PDE4D: variants seen among roughly 807,000 people sequenced by gnomAD.
PDE4D encodes 3',5'-cyclic-AMP phosphodiesterase 4D.
Under a neutral mutation model 87.4 loss-of-function variants are expected in PDE4D, and 24 were observed. The observed-to-expected ratio is 0.27, with a 90% CI of 0.20 to 0.39. PDE4D has a LOEUF of 0.39. PDE4D is among the 10% of genes least tolerant of loss of function. The pLI is 1.00. For synonymous variants in PDE4D, 384 were observed against 383.2 expected (o/e 1.00, Z -0.02); for missense variants, 714 against 1,041.0 (o/e 0.69, Z 4.32).
chr5:59,265,457 A>T (rs1465785635), intron 1 of PDE4D, among the ~76,000 whole-genome samples: 1 of 152,070 alleles, frequency 6.6e-6, no homozygotes, highest in Non-Finnish European at 1.5e-5. Context: ...GTGTTAAAAA[A>T]GACTACCTTA....
At chr5:59,266,457 T>C (rs1334211271) in intron 1 of PDE4D, among the ~76,000 whole-genome samples, 1 of 151,928 alleles carries the variant, frequency 6.6e-6, no homozygotes, top group Non-Finnish European at 1.5e-5. Context: ...GTCTCTTTTA[T>C]TTCAAAGGTT....
At chr5:60,203,169 T>A (rs1448373164) in intron 1 of PDE4D, among the ~76,000 whole-genome samples, 2 of 152,122 alleles carry the variant, frequency 1.3e-5, no homozygotes, top group Admixed American at 1.3e-4. Flanking sequence ...ACGGGTTTCA[T>A]CATGTTGGCC....
intron 1 of PDE4D, among the ~76,000 whole-genome samples, chr5:60,468,143 T>TTTTTTG (rs1280982836): frequency 6.7e-6 from 1 of 149,784 alleles, no homozygotes; most frequent in African/African-American, 2.5e-5. Flanking sequence ...TTTTCTTTTT[T>TTTTTTG]TTTTGTTTTT....
intron 1 of PDE4D, among the ~76,000 whole-genome samples, chr5:59,597,800 C>T (rs1401048679): frequency 3.9e-5 from 6 of 152,046 alleles, no homozygotes; most frequent in Admixed American, 3.3e-4. Context: ...AAATTCAAGG[C>T]TAGTTATTAA....
intron 1 of PDE4D, among the ~76,000 whole-genome samples, chr5:59,716,877 C>T (rs1206029702): frequency 7.2e-5 from 11 of 152,138 alleles, no homozygotes; most frequent in Middle Eastern, 3.2e-3. Context: ...TGTGTGCCTA[C>T]TAAGCACACA....
intron 1 of PDE4D, among the ~76,000 whole-genome samples, chr5:59,437,434 G>T (rs993457211): frequency 6.6e-6 from 1 of 152,122 alleles, no homozygotes; most frequent in African/African-American, 2.4e-5. Context: ...CCAGTGGAAA[G>T]AATTAAAACA....
At chr5:59,336,538 G>C (rs1777684845) in intron 1 of PDE4D, among the ~76,000 whole-genome samples, 1 of 152,152 alleles carries the variant, frequency 6.6e-6, no homozygotes, top group Admixed American at 6.5e-5. Flanking sequence ...AGGCATCTCA[G>C]GGTTCAAACT....
chr5:60,465,464 G>A (rs1381981321), intron 1 of PDE4D, among the ~76,000 whole-genome samples: 1 of 152,162 alleles, frequency 6.6e-6, no homozygotes, highest in African/African-American at 2.4e-5. Flanking sequence ...TGTGCATGGT[G>A]ACATTCCCAT....
At position 59,559,959 on chromosome 5, in the gene PDE4D, A is replaced by G. The variant is rs367821530; in HGVS notation, c.455+333209T>C. ...TACCAGTTTCTTGACATATAGTCCA[A>G]TGGATTGCTACAATTTCAAGTCTTT... On this transcript the variant is annotated intron_variant, in intron 1 of 14. Transcript: ENST00000340635. Among the ~76,000 whole-genome samples the G allele has an allele frequency of 1.1e-3, 172 of 152,330 alleles. 2 individuals are homozygous for G. The highest frequency in any genetic ancestry group is 3.9e-3 in the African/African-American group (164 of 41,576).
At chr5:60,452,988 T>C (rs1256381896) in intron 1 of PDE4D, among the ~76,000 whole-genome samples, 2 of 152,074 alleles carry the variant, frequency 1.3e-5, no homozygotes, top group African/African-American at 2.4e-5. Context: ...CCTTACATCA[T>C]TGTACATGTG....
chr5:59,556,686 G>A (rs777055998), intron 1 of PDE4D, among the ~76,000 whole-genome samples: 2 of 152,054 alleles, frequency 1.3e-5, no homozygotes, highest in African/African-American at 2.4e-5. Context: ...ATGGGTTTCT[G>A]GGCTCCTTCA....
intron 3 of PDE4D, among the ~76,000 whole-genome samples, chr5:59,962,704 A>G (rs1468092833): frequency 6.6e-6 from 1 of 152,208 alleles, no homozygotes; most frequent in Admixed American, 6.5e-5. Flanking sequence ...AGAGACAATC[A>G]AAGAATATTT....
chr5:59,430,478 A>G (rs1795944917), intron 1 of PDE4D: 1 of 1,206,604 alleles, frequency 8.3e-7, no homozygotes. Flanking sequence ...ATTCCTGGGA[A>G]GGCTGGAAAG....
chr5:59,163,738 G>A (rs1244473363), intron 5 of PDE4D, among the ~76,000 whole-genome samples: 1 of 152,082 alleles, frequency 6.6e-6, no homozygotes, highest in African/African-American at 2.4e-5. Flanking sequence ...TGGCAACTGG[G>A]GTATATTCCT....
intron 1 of PDE4D, among the ~76,000 whole-genome samples, chr5:59,799,609 C>T (rs1314134207): frequency 1.3e-5 from 2 of 152,186 alleles, no homozygotes; most frequent in Non-Finnish European, 2.9e-5. Flanking sequence ...TAATGACAAA[C>T]ATAGCATAGT....
chr5:60,268,562 T>C (rs1750485129), intron 1 of PDE4D, among the ~76,000 whole-genome samples: 1 of 152,214 alleles, frequency 6.6e-6, no homozygotes, highest in Non-Finnish European at 1.5e-5. Flanking sequence ...GACAGCCTAG[T>C]TTCAAGGCAA....
chr5:59,754,665 A>G (rs1278570498), intron 1 of PDE4D, among the ~76,000 whole-genome samples: 1 of 152,202 alleles, frequency 6.6e-6, no homozygotes, highest in Non-Finnish European at 1.5e-5. Context: ...ATTACAGGGT[A>G]GAAAAATGTG....
intron 5 of PDE4D, chr5:59,039,319 G>A (rs1409957334): frequency 5.7e-5 from 59 of 1,043,892 alleles, no homozygotes; most frequent in Non-Finnish European, 6.8e-5. Context: ...CAGTCCAGGA[G>A]CCCGGCTCTA....
chr5:59,568,951 A>C (rs1395335), intron 1 of PDE4D, among the ~76,000 whole-genome samples: 104,861 of 151,860 alleles, frequency 0.69, 36,537 homozygotes, highest in South Asian at 0.81. Context: ...TATCATACTC[A>C]TATAAGACTT....
Sources: gnomAD v4.1 joint callset for allele counts (sites outside exome capture counted in the v4.1 genomes callset) on GRCh38, gnomAD v4.1.1 for gene constraint, MANE v1.5 for transcripts, NCBI Gene and HGNC (gene_info 2026-07-23, HGNC 2026-07-21) for gene names.